The following LRRTM4 variants were observed in gnomAD, a reference collection of about 807,000 sequenced individuals.
LRRTM4 encodes leucine-rich repeat transmembrane neuronal protein 4.
Under a neutral mutation model 47.6 loss-of-function variants are expected in LRRTM4, and 25 were observed. That is an observed-to-expected ratio of 0.53 (90% confidence interval 0.38 to 0.73). The LOEUF is 0.73. Ranked by LOEUF, LRRTM4 falls within the 30% of genes least tolerant of loss-of-function variation. The pLI is 0.00. For missense variants in LRRTM4, 638 were observed against 713.4 expected (o/e 0.89, Z 1.20); for synonymous variants, 311 against 269.5 (o/e 1.15, Z -1.51).
chr2:76,837,175 G>T (rs774660359), intron 3 of LRRTM4, among the ~76,000 whole-genome samples: 60 of 152,116 alleles, frequency 3.9e-4, no homozygotes, highest in Non-Finnish European at 7.2e-4. Flanking sequence ...TTGCATAGAG[G>T]TGTTTGTAGT....
intron 3 of LRRTM4, among the ~76,000 whole-genome samples, chr2:77,096,661 G>A (rs980634941): frequency 6.6e-6 from 1 of 151,478 alleles, no homozygotes; most frequent in Non-Finnish European, 1.5e-5. Flanking sequence ...ATAGAGAATA[G>A]ATAAAGGTAT....
chr2:77,289,069 G>T (rs900103737), intron 3 of LRRTM4, among the ~76,000 whole-genome samples: 1 of 151,942 alleles, frequency 6.6e-6, no homozygotes, highest in Non-Finnish European at 1.5e-5. Context: ...TTTAAAGCAG[G>T]TTAAATGTCT....
intron 3 of LRRTM4, among the ~76,000 whole-genome samples, chr2:76,895,050 C>G (rs1673368009): frequency 6.6e-6 from 1 of 151,474 alleles, no homozygotes; most frequent in Non-Finnish European, 1.5e-5. Flanking sequence ...AAGGAAAATA[C>G]TTCGGCAAAC....
chr2:77,236,880 A>G (rs2103981406), intron 3 of LRRTM4, among the ~76,000 whole-genome samples: 1 of 152,202 alleles, frequency 6.6e-6, no homozygotes, highest in East Asian at 1.9e-4. Flanking sequence ...CTACTAGATC[A>G]TGGTGAATTA....
intron 3 of LRRTM4, among the ~76,000 whole-genome samples, chr2:77,253,932 G>A (rs1354111234): frequency 2.0e-5 from 3 of 151,960 alleles, no homozygotes; most frequent in Non-Finnish European, 4.4e-5. Flanking sequence ...GAGAAGAGTT[G>A]AAAAGATAGT....
At chr2:77,069,845 T>C (rs889320043) in intron 3 of LRRTM4, among the ~76,000 whole-genome samples, 70 of 152,328 alleles carry the variant, frequency 4.6e-4, no homozygotes, top group African/African-American at 1.6e-3. Context: ...CATTTTCGCA[T>C]TTTAGTTATT....
At chr2:76,925,192 A>G (rs566884959) in intron 3 of LRRTM4, among the ~76,000 whole-genome samples, 2 of 152,172 alleles carry the variant, frequency 1.3e-5, no homozygotes, top group South Asian at 4.1e-4. Flanking sequence ...GCCCTTTAAA[A>G]GAGGGTAAAA....
chr2:76,911,792 A>G (rs1661571587), intron 3 of LRRTM4, among the ~76,000 whole-genome samples: 1 of 152,100 alleles, frequency 6.6e-6, no homozygotes, highest in African/African-American at 2.4e-5. Flanking sequence ...AAGGAAGAGC[A>G]GAAAGAACAA....
chr2:77,443,905 C>A (rs1376695188), intron 3 of LRRTM4, among the ~76,000 whole-genome samples: 3 of 151,796 alleles, frequency 2.0e-5, no homozygotes, highest in African/African-American at 7.3e-5. Context: ...CAGGTTGAAT[C>A]TTAAGAAAAA....
chr2:77,008,938 G>GAAAAAAAAAAA (rs1346602340), intron 3 of LRRTM4: 2 of 81,874 alleles, frequency 2.4e-5, no homozygotes, highest in Non-Finnish European at 2.3e-5. Context: ...GAGCCAACAA[G>GAAAAAAAAAAA]AAAAAAAAGA....
chr2:76,750,771 G>A (rs978139469), intron 3 of LRRTM4, among the ~76,000 whole-genome samples: 3 of 152,210 alleles, frequency 2.0e-5, no homozygotes, highest in African/African-American at 4.8e-5. Flanking sequence ...TTTTATTAAT[G>A]TGATTAATAC....
intron 3 of LRRTM4, among the ~76,000 whole-genome samples, chr2:76,857,518 A>G (rs533871294): frequency 1.6e-4 from 24 of 152,080 alleles, no homozygotes; most frequent in African/African-American, 5.3e-4. Context: ...TTGACTATGC[A>G]GGGAATTGAC....
At chr2:77,108,311 T>C (rs1166680270) in intron 3 of LRRTM4, among the ~76,000 whole-genome samples, 1 of 150,732 alleles carries the variant, frequency 6.6e-6, no homozygotes, top group African/African-American at 2.4e-5. Context: ...GGAGAAGGAG[T>C]AGAAGGAGAA....
In LRRTM4 at chr2:76,777,167, C is replaced by T. The variant is rs1239146598; in HGVS notation, c.1552-28251G>A. ...TGCTGTTTTGGTTACTGTAGCCTTG[C>T]AGTATAGTTTGAAGTCAGGGAGTGT... On this transcript the variant is annotated intron_variant, in intron 3 of 3. Coordinates refer to ENST00000409884, the MANE Select transcript of LRRTM4 (RefSeq NM_001134745.3). 9.3e-5 allele frequency among the ~76,000 whole-genome samples: 14 copies of T among 150,462 alleles called. 1 individual carries two copies. Among genetic ancestry groups the T allele is most frequent in the South Asian group, 6.6e-4 (3 of 4,524 alleles).
At chr2:76,972,412 CTTTTTT>C (rs397869502) in intron 3 of LRRTM4, among the ~76,000 whole-genome samples, 9 of 95,254 alleles carry the variant, frequency 9.4e-5, no homozygotes, top group African/African-American at 1.3e-4. Context: ...TCATTGAACA[CTTTTTT>C]TTTTTTTTTT....
In LRRTM4 at chr2:77,004,728, A is replaced by T. The variant is rs181374039; in HGVS notation, c.1552-255812T>A. Among the ~76,000 whole-genome samples, 281 of 152,260 alleles carry T rather than the reference A, an allele frequency of 1.8e-3. 1 individual carries two copies. Among genetic ancestry groups the T allele is most frequent in the Middle Eastern group, 0.01 (3 of 294 alleles). On this transcript the variant is annotated intron_variant, in intron 3 of 3. Transcript: ENST00000409884. ...TGTCATGCACCTGGAAAAGCCACAG[A>T]CACTCACTGCCAGCACATGAAAGCA... is the stretch of plus-strand genomic sequence containing the variant.
intron 3 of LRRTM4, among the ~76,000 whole-genome samples, chr2:77,148,683 C>A (rs1156487822): frequency 6.6e-6 from 1 of 152,110 alleles, no homozygotes; most frequent in East Asian, 1.9e-4. Flanking sequence ...AAAGCCCTTA[C>A]AATTGATTGT....
intron 3 of LRRTM4, among the ~76,000 whole-genome samples, chr2:77,163,006 C>CT (rs1304367505): frequency 4.6e-5 from 7 of 152,092 alleles, no homozygotes; most frequent in Non-Finnish European, 8.8e-5. Flanking sequence ...AGTCTTTAGA[C>CT]AATAGGTAAT....
At position 76,825,684 on chromosome 2, in the gene LRRTM4, AT is replaced by A. The variant is rs541757426; in HGVS notation, c.1552-76769del. Among the ~76,000 whole-genome samples the A allele has an allele frequency of 2.5e-3, 378 of 151,788 alleles. 2 individuals carry two copies. The highest frequency in any genetic ancestry group is 8.7e-3 in the African/African-American group (362 of 41,480). ...TGCTAAGAAAAAGGCAGAGCTAAAA[AT>A]GTAAATGGGGACATATACATTGTGT... On this transcript the variant is annotated intron_variant, in intron 3 of 3. Coordinates refer to ENST00000409884, the MANE Select transcript of LRRTM4 (RefSeq NM_001134745.3).
Sources: gnomAD v4.1 joint callset for allele counts (sites outside exome capture counted in the v4.1 genomes callset) on GRCh38, gnomAD v4.1.1 for gene constraint, MANE v1.5 for transcripts, NCBI Gene and HGNC (gene_info 2026-07-23, HGNC 2026-07-21) for gene names.